Variants in RPS6KA5 observed in about 807,000 individuals in gnomAD.
RPS6KA5 encodes the protein ribosomal protein S6 kinase alpha-5.
In RPS6KA5, 27 loss-of-function variants were observed where a neutral mutation model predicts 85.5. That is an observed-to-expected ratio of 0.32 (90% CI 0.23 to 0.44). The LOEUF is 0.44. RPS6KA5 is among the 20% of genes least tolerant of loss of function. The pLI is 1.00. For synonymous variants in RPS6KA5, 334 were observed against 348.2 expected (o/e 0.96, Z 0.46); for missense variants, 811 against 980.9 (o/e 0.83, Z 2.31).
At chr14:91,040,771 A>G (rs1228730295) in intron 1 of RPS6KA5, among the ~76,000 whole-genome samples, 1 of 152,214 alleles carries the variant, frequency 6.6e-6, no homozygotes, top group Non-Finnish European at 1.5e-5. Flanking sequence ...GTAGAAGAGC[A>G]CAGTTTGTCA....
intron 2 of RPS6KA5, among the ~76,000 whole-genome samples, chr14:90,992,305 A>C (rs997007457): frequency 1.3e-5 from 2 of 152,210 alleles, no homozygotes; most frequent in Middle Eastern, 3.2e-3. Context: ...GCTGGCAAAA[A>C]GGAAAAGCAG....
chr14:91,011,320 T>C (rs890047390), intron 1 of RPS6KA5, among the ~76,000 whole-genome samples: 1 of 152,046 alleles, frequency 6.6e-6, no homozygotes, highest in Non-Finnish European at 1.5e-5. Context: ...ACCCCGTCTC[T>C]ACTAAAAACA....
rs1020563981 is a variant in RPS6KA5, at chr14:90,852,543, A to G, written c.*19531T>C. On this transcript the variant is annotated 3_prime_UTR_variant, in exon 17 of 17. Coordinates refer to ENST00000614987, the MANE Select transcript of RPS6KA5 (RefSeq NM_004755.4). The stretch of plus-strand genomic sequence containing the variant: ...CAATGAAAAGTGCAAAGGTTAAGGG[A>G]AAAACAGCATCTGATATGTGCACCC... 2.6e-5 allele frequency: 4 copies of G among 152,176 alleles called. No homozygotes were observed. The highest frequency in any genetic ancestry group is 9.7e-5 in the African/African-American group (4 of 41,430). 9.4% of individuals were successfully genotyped at this position (152,176 alleles called of 1,614,324 possible).
chr14:91,041,748 T>C (rs1022593160), intron 1 of RPS6KA5, among the ~76,000 whole-genome samples: 5 of 152,226 alleles, frequency 3.3e-5, no homozygotes, highest in Non-Finnish European at 7.3e-5. Flanking sequence ...ATATTTAATA[T>C]CTGTGTACTT....
At chr14:90,938,265 G>C (rs2037382802) in intron 5 of RPS6KA5, among the ~76,000 whole-genome samples, 1 of 152,230 alleles carries the variant, frequency 6.6e-6, no homozygotes, top group Admixed American at 6.5e-5. Flanking sequence ...GCAAGAGGTA[G>C]GCTCCCATAG....
chr14:90,944,331 T>C (rs1171765874), intron 4 of RPS6KA5, among the ~76,000 whole-genome samples: 1 of 152,160 alleles, frequency 6.6e-6, no homozygotes, highest in Non-Finnish European at 1.5e-5. Flanking sequence ...AGAAAAACAC[T>C]AGGGGCCAGG....
intron 3 of RPS6KA5, among the ~76,000 whole-genome samples, chr14:90,973,941 G>A (rs1005138898): frequency 8.2e-5 from 12 of 146,636 alleles, no homozygotes; most frequent in Non-Finnish European, 1.8e-4. Flanking sequence ...GGGAGGCTGA[G>A]GGAGGAGAAT....
At position 90,872,012 on chromosome 14, in the gene RPS6KA5, C is replaced by T. The variant is rs1289713170; in HGVS notation, c.*62G>A. 13 of 1,519,526 alleles carry T rather than the reference C, an allele frequency of 8.6e-6. 1 individual carries two copies. The highest frequency in any genetic ancestry group is 7.8e-5 in the South Asian group (6 of 76,708). 94.1% of individuals were successfully genotyped at this position (1,519,526 alleles called of 1,614,324 possible). On this transcript the variant is annotated 3_prime_UTR_variant, in exon 17 of 17. Coordinates refer to ENST00000614987, the MANE Select transcript of RPS6KA5 (RefSeq NM_004755.4). Reference sequence around the variant, plus strand: ...AAACATTTTTAAAAGCATAAAAGATCGCCTCAGGCATATGCTGAGGGAATA... The same window carrying T: ...AAACATTTTTAAAAGCATAAAAGATTGCCTCAGGCATATGCTGAGGGAATA...
intron 2 of RPS6KA5, among the ~76,000 whole-genome samples, chr14:90,997,547 A>AT (rs1219868055): frequency 6.6e-6 from 1 of 152,028 alleles, no homozygotes; most frequent in Non-Finnish European, 1.5e-5. Flanking sequence ...TGCCCAACCA[A>AT]TTTTTTAATT....
chr14:90,899,483 G>A lies in RPS6KA5; in HGVS notation c.1380-61C>T, dbSNP rs1427024347. ...TCAAGAAAGTTTTTATATCAGTACT[G>A]CCCCAAGACTAATTTTGTCTTATTT... is the stretch of plus-strand genomic sequence containing the variant. On this transcript the variant is annotated intron_variant, in intron 11 of 16. Transcript: ENST00000614987. 6.5e-6 allele frequency: 7 copies of A among 1,068,836 alleles called. No individual in the cohort carries two copies. In the East Asian group the frequency reaches 1.2e-4, roughly 18 times the overall value. 66.2% of individuals were successfully genotyped at this position (1,068,836 alleles called of 1,614,324 possible).
At chr14:90,975,146 A>T (rs2039505933) in intron 3 of RPS6KA5, among the ~76,000 whole-genome samples, 1 of 152,182 alleles carries the variant, frequency 6.6e-6, no homozygotes. Context: ...GTATGCATAT[A>T]TACTGCCTTT....
At chr14:91,001,258 T>C in intron 1 of RPS6KA5, 99 bp from the exon 2 acceptor site, 1 of 697,704 alleles carries the variant, frequency 1.4e-6, no homozygotes, top group Non-Finnish European at 2.5e-6. Flanking sequence ...TTTCTTGACT[T>C]GAGTGATTAA....
intron 16 of RPS6KA5, among the ~76,000 whole-genome samples, 193 bp downstream of exon 16, chr14:90,873,439 T>C (rs531918669): frequency 8.7e-4 from 133 of 152,334 alleles, no homozygotes; most frequent in Admixed American, 3.5e-3. Flanking sequence ...GCAGTGACTC[T>C]GGTCCCCTGT....
At chr14:90,899,472 A>G (rs752564796) in intron 11 of RPS6KA5, 50 bp from the exon 12 acceptor site, 11 of 1,240,424 alleles carry the variant, frequency 8.9e-6, no homozygotes, top group South Asian at 3.6e-5. Context: ...GAAAGTTTTT[A>G]TATCAGTACT....
intron 16 of RPS6KA5, among the ~76,000 whole-genome samples, chr14:90,872,762 T>C (rs889962450): frequency 6.6e-6 from 1 of 152,192 alleles, no homozygotes; most frequent in African/African-American, 2.4e-5. Context: ...TCCCATTCAA[T>C]GTCATTTGGA....
intron 8 of RPS6KA5, among the ~76,000 whole-genome samples, chr14:90,904,970 G>C (rs1152429): frequency 0.015 from 2,290 of 152,220 alleles, 71 homozygotes; most frequent in African/African-American, 0.053. Context: ...GTTAACTTTT[G>C]AGATAAACTT....
At chr14:90,882,041 A>T (rs2033876538) in intron 14 of RPS6KA5, among the ~76,000 whole-genome samples, 1 of 152,214 alleles carries the variant, frequency 6.6e-6, no homozygotes, top group African/African-American at 2.4e-5. Flanking sequence ...TATATGCTTG[A>T]TAACTTTTTT....
intron 1 of RPS6KA5, among the ~76,000 whole-genome samples, chr14:91,006,239 A>G (rs899659181): frequency 6.6e-6 from 1 of 152,116 alleles, no homozygotes; most frequent in African/African-American, 2.4e-5. Context: ...TTTTGCCTCA[A>G]ATTTCTTCCA....
intron 1 of RPS6KA5, chr14:91,052,552 C>G (rs191198514): frequency 4.0e-5 from 8 of 199,406 alleles, no homozygotes; most frequent in Admixed American, 1.1e-4. Flanking sequence ...TAGGCAAGCG[C>G]GGTGGCTCAA....
Sources: allele counts gnomAD v4.1 joint callset (sites outside exome capture counted in the v4.1 genomes callset), GRCh38; gene constraint gnomAD v4.1.1; transcripts MANE v1.5; gene names NCBI Gene and HGNC (gene_info 2026-07-23, HGNC 2026-07-21).